The following KLHL22 variants were observed in gnomAD, a reference collection of about 807,000 sequenced individuals.
KLHL22 encodes the protein kelch like family member 22.
In KLHL22, 18 loss-of-function variants were observed where a neutral mutation model predicts 60.7. The ratio of observed to expected loss-of-function variants is 0.30; its 90% CI spans 0.20 to 0.44. The LOEUF (loss-of-function observed/expected upper bound fraction) is 0.44, where lower values mean the gene tolerates loss of function less well. Among genes scored for constraint, KLHL22 ranks in the 20% least tolerant of loss-of-function variants. KLHL22 has a pLI of 1.00. For synonymous variants in KLHL22, 355 were observed against 354.5 expected (o/e 1.00, Z -0.01); for missense variants, 596 against 852.3 (o/e 0.70, Z 3.74).
intron 3 of KLHL22, among the ~76,000 whole-genome samples, chr22:20,469,919 A>G (rs918823864): frequency 1.3e-5 from 2 of 152,036 alleles, no homozygotes; most frequent in Admixed American, 6.6e-5. Context: ...TGATAGCTCA[A>G]AGGCACCTGC....
chr22:20,481,551 C>T (rs1483012869), intron 2 of KLHL22, among the ~76,000 whole-genome samples: 2 of 151,824 alleles, frequency 1.3e-5, no homozygotes, highest in Admixed American at 6.6e-5. Context: ...CCCGCCCGGG[C>T]GACAGAGAGA....
intron 2 of KLHL22, chr22:20,488,641 C>CCGT: frequency 3.7e-6 from 1 of 272,084 alleles, no homozygotes; most frequent in Non-Finnish European, 6.8e-6. Flanking sequence ...GAAGGTGATG[C>CCGT]ATACACAGCA....
At chr22:20,451,253 A>C in intron 5 of KLHL22, 1 of 1,604,354 alleles carries the variant, frequency 6.2e-7, no homozygotes, top group Non-Finnish European at 8.5e-7. Context: ...ACCCTGGGAG[A>C]TTTGATCTAT....
Position 20,457,902 on chromosome 22 carries a change from ACAG to A in KLHL22, c.1208_1210del (p.Ala403del). ...GTCATTGTGGTAGTCACGGCCCGCC[ACAG>A]CGTAGATGTACCTGCCTACAACACA... On this transcript the variant is annotated inframe_deletion, in exon 5 of 7. Transcript: ENST00000328879. The A allele has an allele frequency of 6.2e-7, 1 of 1,613,788 alleles. No homozygotes were observed.
At chr22:20,476,958 C>T (rs1317317711) in intron 2 of KLHL22, among the ~76,000 whole-genome samples, 3 of 151,348 alleles carry the variant, frequency 2.0e-5, no homozygotes, top group African/African-American at 4.9e-5. Flanking sequence ...CCACCCACCT[C>T]GGCCTCCCAT....
Position 20,465,481 on chromosome 22 carries a change from G to A in KLHL22, c.489C>T (p.Asp163=). 1 of 1,612,868 alleles carries A rather than the reference G, an allele frequency of 6.2e-7. No homozygotes were observed. Among genetic ancestry groups the A allele is most frequent in the Non-Finnish European group, 8.5e-7 (1 of 1,178,838 alleles). ...CCAGTTGCTCAGTCAGGCGGCTCAAGTCAAACAGCTCTGCCAGCCGGTAGA... is the reference window on the plus strand; with the variant it reads ...CCAGTTGCTCAGTCAGGCGGCTCAAATCAAACAGCTCTGCCAGCCGGTAGA... ...LDVYRLAELF[D]LSRLTEQLDT... Residue 163 remains aspartate (D), a synonymous_variant, in exon 4 of 7, where the codon GAC becomes GAT. Transcript: ENST00000328879. The surrounding 1 kb of genome is among the most constrained non-coding windows in gnomAD (Gnocchi z 4.9).
intron 2 of KLHL22, among the ~76,000 whole-genome samples, chr22:20,475,521 GT>G (rs2053397323): frequency 6.7e-6 from 1 of 149,714 alleles, no homozygotes; most frequent in South Asian, 2.1e-4. Flanking sequence ...GTCCAACTTT[GT>G]TTTTCTAGAT....
chr22:20,467,897 A>G (rs1327347140), intron 3 of KLHL22, among the ~76,000 whole-genome samples: 1 of 152,234 alleles, frequency 6.6e-6, no homozygotes, highest in Non-Finnish European at 1.5e-5. Flanking sequence ...TGACCTCGTG[A>G]TCTGCCCGCC....
intron 2 of KLHL22, among the ~76,000 whole-genome samples, chr22:20,478,805 T>C (rs1265046638): frequency 1.4e-5 from 2 of 141,078 alleles, no homozygotes; most frequent in Non-Finnish European, 1.5e-5. Context: ...TGAGCCACCA[T>C]GCCCAGCCTC....
intron 1 of KLHL22, among the ~76,000 whole-genome samples, chr22:20,490,426 G>C (rs1353660836): frequency 6.6e-6 from 1 of 152,108 alleles, no homozygotes; most frequent in African/African-American, 2.4e-5. Context: ...TGTTACTGTA[G>C]TTCTGAATGA....
At chr22:20,457,265 G>A (rs1420124392) in intron 5 of KLHL22, among the ~76,000 whole-genome samples, 1 of 151,902 alleles carries the variant, frequency 6.6e-6, no homozygotes, top group African/African-American at 2.4e-5. Context: ...TATATAGGAT[G>A]CACGTGATTT....
chr22:20,466,202 C>T (rs2053232500), intron 3 of KLHL22, among the ~76,000 whole-genome samples: 1 of 151,662 alleles, frequency 6.6e-6, no homozygotes, highest in Non-Finnish European at 1.5e-5. Context: ...GGTGAAACAC[C>T]GTCTCTACTA....
At position 20,459,499 on chromosome 22, in the gene KLHL22, T is replaced by G. The variant is rs573022258; in HGVS notation, c.1113-1499A>C. Among the ~76,000 whole-genome samples the G allele has an allele frequency of 2.6e-5, 4 of 152,296 alleles. No individual in the cohort carries two copies. The East Asian group carries it at 7.7e-4, about 29-fold the overall frequency. ...TTTAATCTCTTGGGATTCGCTCAGT[T>G]CTGCACCTGTCCAATGAGGTGATAT... On this transcript the variant is annotated intron_variant, in intron 4 of 6. Transcript: ENST00000328879.
intron 5 of KLHL22, 34 bp from the exon 6 acceptor site, chr22:20,446,710 G>A (rs769563988): frequency 3.2e-6 from 5 of 1,555,412 alleles, no homozygotes; most frequent in African/African-American, 1.4e-5. Flanking sequence ...TGGCGTGAGA[G>A]GGCAGTGAGG....
intron 4 of KLHL22, among the ~76,000 whole-genome samples, chr22:20,461,367 C>T (rs896372181): frequency 3.3e-5 from 5 of 151,458 alleles, no homozygotes; most frequent in African/African-American, 1.2e-4. Context: ...TCCTGGCTAA[C>T]ACGGTGAAAC....
At position 20,447,686 on chromosome 22, in the gene KLHL22, G is replaced by A. The variant is rs548881483; in HGVS notation, c.1306-1010C>T. On this transcript the variant is annotated intron_variant, in intron 5 of 6. Transcript: ENST00000328879. ...GCTTCCCGAGTAGCTGGGATTATAG[G>A]CGCCCGCCACCATACCCAGCTAACT... Among the ~76,000 whole-genome samples, 101 of 151,918 alleles carry A rather than the reference G, an allele frequency of 6.6e-4. 1 individual carries two copies. The highest frequency in any genetic ancestry group is 1.2e-3 in the Non-Finnish European group (80 of 67,930).
rs763465345 is a variant in KLHL22, at chr22:20,463,870, T to C, written c.1112+988A>G. Among the ~76,000 whole-genome samples, 24 of 152,312 alleles carry C rather than the reference T, an allele frequency of 1.6e-4. 1 individual carries two copies. The highest frequency in any genetic ancestry group is 6.8e-3 in the Middle Eastern group (2 of 294). ...TTCTCCTCCTTGGCCAGGATCACTATGCTTGATTCCAAGTGGCATGGCCAG... is the reference window on the plus strand; with the variant it reads ...TTCTCCTCCTTGGCCAGGATCACTACGCTTGATTCCAAGTGGCATGGCCAG... On this transcript the variant is annotated intron_variant, in intron 4 of 6. Transcript: ENST00000328879.
At chr22:20,477,422 G>A (rs1357370805) in intron 2 of KLHL22, among the ~76,000 whole-genome samples, 1 of 151,944 alleles carries the variant, frequency 6.6e-6, no homozygotes, top group Non-Finnish European at 1.5e-5. Context: ...AGACCAGATG[G>A]GGCAACACAG....
At position 20,471,007 on chromosome 22, in the gene KLHL22, A is replaced by G. The variant is rs146774273; in HGVS notation, c.393+343T>C. Among the ~76,000 whole-genome samples, 14 of 152,324 alleles carry G rather than the reference A, an allele frequency of 9.2e-5. No homozygotes were observed. In the East Asian group the frequency reaches 2.7e-3, roughly 29 times the overall value. Reference sequence around the variant, plus strand: ...GCAGCAATGCTGGTGGATGCTCCCCATTGCCAGACCCCAGAGCACACAGGA... The same window carrying G: ...GCAGCAATGCTGGTGGATGCTCCCCGTTGCCAGACCCCAGAGCACACAGGA... On this transcript the variant is annotated intron_variant, in intron 3 of 6. Transcript: ENST00000328879.
Sources: gnomAD v4.1 joint callset for allele counts (sites outside exome capture counted in the v4.1 genomes callset) on GRCh38, gnomAD v4.1.1 for gene constraint, Gnocchi (gnomAD v3.1) non-coding constraint, MANE v1.5 for transcripts, NCBI Gene and HGNC (gene_info 2026-07-23, HGNC 2026-07-21) for gene names.